MYO18B: variants seen among roughly 807,000 people sequenced by gnomAD.
The protein encoded by MYO18B is myosin XVIIIB.
In MYO18B, 204 loss-of-function variants were observed where a neutral mutation model predicts 273.0. That is an observed-to-expected ratio of 0.75 (90% CI 0.67 to 0.84). The LOEUF (loss-of-function observed/expected upper bound fraction) is 0.84. Ranked by LOEUF, MYO18B falls within the 40% of genes least tolerant of loss-of-function variation. The pLI, the probability that MYO18B is intolerant of heterozygous loss-of-function variation, is 0.00. For missense variants in MYO18B, 3,212 were observed against 3,287.6 expected (o/e 0.98, Z 0.56); for synonymous variants, 1,330 against 1,305.7 (o/e 1.02, Z -0.40).
At position 25,989,730 on chromosome 22, in the gene MYO18B, G is replaced by A. The variant is rs1362419006; in HGVS notation, c.6157-2633G>A. 1.0e-4 allele frequency among the ~76,000 whole-genome samples: 15 copies of A among 148,234 alleles called. 1 individual carries two copies. Among genetic ancestry groups the A allele is most frequent in the East Asian group, 9.9e-4 (5 of 5,072 alleles). ...GGAGAATGGCTTGAACCTGGGAGGCGGAGCTTGCAGTAAGCCGAGATAGTG... is the reference window on the plus strand; with the variant it reads ...GGAGAATGGCTTGAACCTGGGAGGCAGAGCTTGCAGTAAGCCGAGATAGTG... On this transcript the variant is annotated intron_variant, in intron 39 of 43. Transcript: ENST00000335473.
At chr22:25,822,571 A>G (rs1269649521) in intron 12 of MYO18B, among the ~76,000 whole-genome samples, 1 of 152,176 alleles carries the variant, frequency 6.6e-6, no homozygotes, top group Non-Finnish European at 1.5e-5. Flanking sequence ...GAGCTCAGTC[A>G]ACATGTACAC....
At chr22:25,754,826 T>C (rs972295147) in intron 1 of MYO18B, among the ~76,000 whole-genome samples, 2 of 151,960 alleles carry the variant, frequency 1.3e-5, no homozygotes, top group African/African-American at 4.8e-5. Flanking sequence ...CCACATGGGG[T>C]TCCCTCGCAT....
chr22:25,949,676 T>TGTTTTTTTCCC (rs2092769065), intron 36 of MYO18B, among the ~76,000 whole-genome samples: 1 of 152,204 alleles, frequency 6.6e-6, no homozygotes. Context: ...CCTATGCCAA[T>TGTTTTTTTCCC]GTCTCCACTT....
At chr22:25,905,055 T>TA (rs3216855) in intron 31 of MYO18B, among the ~76,000 whole-genome samples, 14,657 of 151,654 alleles carry the variant, frequency 0.097, 950 homozygotes, top group African/African-American at 0.19. Flanking sequence ...GTGTTTTTTT[T>TA]AAAAAAAATG....
At chr22:25,961,304 C>T (rs1004567360) in intron 39 of MYO18B, among the ~76,000 whole-genome samples, 1 of 151,956 alleles carries the variant, frequency 6.6e-6, no homozygotes, top group African/African-American at 2.4e-5. Context: ...GAACAAAGTT[C>T]AAACTGCTTC....
At chr22:26,021,947 G>A (rs1294760900) in intron 42 of MYO18B, among the ~76,000 whole-genome samples, 1 of 152,156 alleles carries the variant, frequency 6.6e-6, no homozygotes, top group Non-Finnish European at 1.5e-5. Context: ...TATAGAACCA[G>A]CCCCGGCATC....
intron 17 of MYO18B, among the ~76,000 whole-genome samples, 169 bp downstream of exon 17, chr22:25,835,612 A>G (rs1478605336): frequency 1.3e-5 from 2 of 152,198 alleles, no homozygotes; most frequent in Non-Finnish European, 2.9e-5. Flanking sequence ...TATTCAGTGA[A>G]CGCATTGAGC....
intron 39 of MYO18B, among the ~76,000 whole-genome samples, chr22:25,987,085 TG>T (rs1396037344): frequency 6.6e-6 from 1 of 152,162 alleles, no homozygotes; most frequent in African/African-American, 2.4e-5. Flanking sequence ...AAATTAACTT[TG>T]GGGGGCCTTG....
At chr22:25,838,394 G>A (rs2089971409) in intron 17 of MYO18B, among the ~76,000 whole-genome samples, 1 of 151,946 alleles carries the variant, frequency 6.6e-6, no homozygotes, top group Non-Finnish European at 1.5e-5. Flanking sequence ...GAGATGGGGT[G>A]TCACCTTGTT....
chr22:25,834,152 TTC>T (rs1200211387), intron 16 of MYO18B, among the ~76,000 whole-genome samples: 1 of 147,732 alleles, frequency 6.8e-6, no homozygotes, highest in Non-Finnish European at 1.5e-5. Context: ...CTTTTTTTTT[TTC>T]TTTTTTTTTT....
At chr22:25,819,151 G>A (rs1004560148) in intron 12 of MYO18B, among the ~76,000 whole-genome samples, 1 of 152,180 alleles carries the variant, frequency 6.6e-6, no homozygotes, top group East Asian at 1.9e-4. Context: ...GGAGCTGATA[G>A]TAGAAGATGC....
chr22:25,851,293 T>C (rs1005028325), intron 20 of MYO18B, among the ~76,000 whole-genome samples, 177 bp from the exon 21 acceptor site: 2 of 152,186 alleles, frequency 1.3e-5, no homozygotes, highest in African/African-American at 2.4e-5. Context: ...CAATCAAATA[T>C]AGTCTCTTAA....
At chr22:25,884,621 A>G (rs1233933957) in intron 25 of MYO18B, 1 of 152,232 alleles carries the variant, frequency 6.6e-6, no homozygotes, top group Non-Finnish European at 1.5e-5. Context: ...TTGCCCATAC[A>G]AAACCGAGTC....
At position 26,026,673 on chromosome 22, in the gene MYO18B, A is replaced by C; in HGVS notation, c.6699A>C (p.Thr2233=). ...PASSPLASRS[T]NTSPLSREKL... Reference sequence around the variant, plus strand: ...CCTCTCCCCTGGCTTCTCGGAGTACAAATACATCCCCGCTGTCGAGGGAAA... The same window carrying C: ...CCTCTCCCCTGGCTTCTCGGAGTACCAATACATCCCCGCTGTCGAGGGAAA... The change falls in exon 43 of 44, where the codon ACA becomes ACC. Residue 2233 remains threonine, a synonymous_variant. Transcript: ENST00000335473. 1 of 1,613,882 alleles carries C rather than the reference A, an allele frequency of 6.2e-7. No homozygotes were observed. The highest frequency in any genetic ancestry group is 8.5e-7 in the Non-Finnish European group (1 of 1,179,870).
intron 2 of MYO18B, among the ~76,000 whole-genome samples, chr22:25,762,085 C>G (rs1339502059): frequency 6.6e-6 from 1 of 150,722 alleles, no homozygotes; most frequent in South Asian, 2.1e-4. Flanking sequence ...GCCCGAGCGA[C>G]AGTGCGAGAC....
chr22:25,920,073 A>G (rs1485442226), intron 33 of MYO18B, among the ~76,000 whole-genome samples: 2 of 152,182 alleles, frequency 1.3e-5, no homozygotes, highest in African/African-American at 4.8e-5. Context: ...CAGGGTTTAA[A>G]GCCTAGATCT....
chr22:25,945,306 C>T (rs1241188298), intron 34 of MYO18B, among the ~76,000 whole-genome samples: 2 of 152,102 alleles, frequency 1.3e-5, no homozygotes, highest in African/African-American at 4.8e-5. Flanking sequence ...TGTGTTTCCA[C>T]TGTGCCAGTG....
intron 39 of MYO18B, among the ~76,000 whole-genome samples, chr22:25,976,264 G>A (rs917549509): frequency 6.6e-6 from 1 of 152,110 alleles, no homozygotes; most frequent in Non-Finnish European, 1.5e-5. Flanking sequence ...TCAAGACACT[G>A]CTCAGTGTCT....
At chr22:26,009,484 T>TA (rs1417910572) in intron 42 of MYO18B, among the ~76,000 whole-genome samples, 1 of 152,176 alleles carries the variant, frequency 6.6e-6, no homozygotes, top group Admixed American at 6.5e-5. Context: ...CTCAGACGTG[T>TA]TGTTAATAGG....
Sources: gnomAD v4.1 joint callset for allele counts (sites outside exome capture counted in the v4.1 genomes callset) on GRCh38, gnomAD v4.1.1 for gene constraint, MANE v1.5 for transcripts, NCBI Gene and HGNC (gene_info 2026-07-23, HGNC 2026-07-21) for gene names.